Variants in YARS1 observed in about 807,000 individuals in gnomAD.
YARS1 encodes the protein tyrosyl-tRNA synthetase 1, also known as tyrosine--tRNA ligase, cytoplasmic.
In YARS1, 36 loss-of-function variants were observed where a neutral mutation model predicts 62.2. That is an observed-to-expected ratio of 0.58 (90% CI 0.44 to 0.76). The LOEUF (loss-of-function observed/expected upper bound fraction) is 0.76, where lower values mean the gene tolerates loss of function less well. Ranked by LOEUF, YARS1 falls within the 30% of genes least tolerant of loss-of-function variation. The pLI is 0.00. For synonymous variants in YARS1, 234 were observed against 244.9 expected (o/e 0.96, Z 0.42); for missense variants, 524 against 639.8 (o/e 0.82, Z 1.95).
At chr1:32,778,644 T>C (rs1355161028) in intron 12 of YARS1, among the ~76,000 whole-genome samples, 3 of 151,288 alleles carry the variant, frequency 2.0e-5, no homozygotes, top group Non-Finnish European at 2.9e-5. Context: ...CCTGACCTCA[T>C]GATCCTCCCG....
At chr1:32,804,365 C>T (rs1402923600) in intron 4 of YARS1, among the ~76,000 whole-genome samples, 2 of 147,846 alleles carry the variant, frequency 1.4e-5, no homozygotes, top group African/African-American at 5.0e-5. Context: ...GCTGGCCGGG[C>T]GGGGGTTGCC....
intron 12 of YARS1, 41 bp downstream of exon 12, chr1:32,779,341 A>G: frequency 6.2e-7 from 1 of 1,614,126 alleles, no homozygotes; most frequent in Non-Finnish European, 8.5e-7. Flanking sequence ...GACACAGTCC[A>G]GGCAGCCCAG....
chr1:32,816,364 T>A (rs757263161), intron 1 of YARS1, among the ~76,000 whole-genome samples: 58 of 152,046 alleles, frequency 3.8e-4, no homozygotes, highest in Non-Finnish European at 6.9e-4. Flanking sequence ...CTTAAACAAA[T>A]AAATAAAATG....
intron 4 of YARS1, among the ~76,000 whole-genome samples, chr1:32,801,304 A>C (rs955239814): frequency 6.6e-6 from 1 of 152,076 alleles, no homozygotes; most frequent in Non-Finnish European, 1.5e-5. Context: ...AACCACAATA[A>C]AGTGACTCAC....
chr1:32,794,927 C>A (rs1653525184), intron 5 of YARS1, among the ~76,000 whole-genome samples: 1 of 146,758 alleles, frequency 6.8e-6, no homozygotes, highest in African/African-American at 2.5e-5. Context: ...TGGCTTGAAC[C>A]CGGGAGGCGG....
chr1:32,812,911 T>G (rs1248145129), intron 1 of YARS1, among the ~76,000 whole-genome samples: 1 of 144,562 alleles, frequency 6.9e-6, no homozygotes, highest in African/African-American at 2.6e-5. Context: ...GAGGTTGCAG[T>G]GAGCCAATAT....
chr1:32,803,398 C>A (rs112699523), intron 4 of YARS1, among the ~76,000 whole-genome samples: 1,960 of 151,360 alleles, frequency 0.013, 42 homozygotes, highest in African/African-American at 0.046. Flanking sequence ...TCCCAAAGTG[C>A]TGGGATTACA....
intron 1 of YARS1, among the ~76,000 whole-genome samples, chr1:32,813,144 T>C (rs1277843514): frequency 6.6e-6 from 1 of 152,156 alleles, no homozygotes; most frequent in Admixed American, 6.6e-5. Flanking sequence ...ATGTATACCT[T>C]ACTTGTATTG....
chr1:32,785,758 ATTT>A (rs1653205016), intron 8 of YARS1, among the ~76,000 whole-genome samples: 1 of 151,156 alleles, frequency 6.6e-6, no homozygotes. Flanking sequence ...ACTTTTTTGT[ATTT>A]TTAATAGAGA....
chr1:32,787,924 A>G (rs1411024530), intron 6 of YARS1, among the ~76,000 whole-genome samples: 1 of 152,120 alleles, frequency 6.6e-6, no homozygotes, highest in Non-Finnish European at 1.5e-5. Context: ...CAGTGTGGGC[A>G]ACATAGAAAA....
At chr1:32,816,334 C>T (rs1638730885) in intron 1 of YARS1, among the ~76,000 whole-genome samples, 1 of 152,134 alleles carries the variant, frequency 6.6e-6, no homozygotes, top group Admixed American at 6.5e-5. Flanking sequence ...GCTCCCGTGA[C>T]TTGGTCCCTG....
At chr1:32,797,109 C>G (rs1309794892) in intron 5 of YARS1, among the ~76,000 whole-genome samples, 1 of 136,788 alleles carries the variant, frequency 7.3e-6, no homozygotes, top group Admixed American at 7.7e-5. Flanking sequence ...CAGTGGATCT[C>G]ACCTATAATC....
chr1:32,779,397 G>A lies in YARS1; in HGVS notation c.1461C>T (p.Val487=), dbSNP rs1341506805. The A allele has an allele frequency of 6.2e-7, 1 of 1,614,106 alleles. No individual in the cohort carries two copies. The highest frequency in any genetic ancestry group is 1.3e-5 in the African/African-American group (1 of 74,934). The change falls in exon 12 of 13, where the codon GTC becomes GTT. Residue 487 remains valine, a synonymous_variant. Coordinates refer to ENST00000373477, the MANE Select transcript of YARS1 (RefSeq NM_003680.4). ...PDEELKPKKK[V]FEKLQADFKI... is the part of the protein sequence containing the mutation. ...AGCTTTTTACCTGCAACTTCTCGAAGACTTTCTTCTTGGGCTTGAGCTCCT... is the reference window on the plus strand; with the variant it reads ...AGCTTTTTACCTGCAACTTCTCGAAAACTTTCTTCTTGGGCTTGAGCTCCT...
intron 6 of YARS1, among the ~76,000 whole-genome samples, chr1:32,790,209 T>C (rs1653370697): frequency 2.1e-5 from 3 of 145,234 alleles, no homozygotes; most frequent in African/African-American, 7.5e-5. Flanking sequence ...TTTTAATTTG[T>C]ATTTTTAAAA....
chr1:32,807,647 G>A (rs895399117), intron 3 of YARS1, among the ~76,000 whole-genome samples: 2 of 151,846 alleles, frequency 1.3e-5, no homozygotes, highest in Non-Finnish European at 2.9e-5. Context: ...TTGTAGAGAC[G>A]TGGTTTCCCC....
intron 4 of YARS1, among the ~76,000 whole-genome samples, chr1:32,800,193 G>C (rs151330333): frequency 7.5e-4 from 114 of 152,136 alleles, no homozygotes; most frequent in African/African-American, 2.7e-3. Context: ...TGTTGGTCAG[G>C]CTGGTCTTGA....
At chr1:32,810,173 G>C (rs921434550) in intron 3 of YARS1, among the ~76,000 whole-genome samples, 2 of 150,924 alleles carry the variant, frequency 1.3e-5, no homozygotes, top group African/African-American at 4.9e-5. Context: ...TTCCAAATAT[G>C]AACAAAACTC....
At chr1:32,800,681 C>A (rs1638262944) in intron 4 of YARS1, among the ~76,000 whole-genome samples, 1 of 152,002 alleles carries the variant, frequency 6.6e-6, no homozygotes, top group Admixed American at 6.6e-5. Context: ...TCATGCCATT[C>A]TCCTGCCTCA....
chr1:32,784,596 G>C (rs1653161462), intron 8 of YARS1, among the ~76,000 whole-genome samples: 1 of 152,022 alleles, frequency 6.6e-6, no homozygotes, highest in Non-Finnish European at 1.5e-5. Flanking sequence ...AAGCAAAATA[G>C]TGCTTGGATA....
Sources: allele counts gnomAD v4.1 joint callset (sites outside exome capture counted in the v4.1 genomes callset), GRCh38; gene constraint gnomAD v4.1.1; transcripts MANE v1.5; gene names NCBI Gene and HGNC (gene_info 2026-07-23, HGNC 2026-07-21).